The following PTGFRN variants were observed in gnomAD, a reference collection of about 807,000 sequenced individuals.
PTGFRN encodes the protein prostaglandin F2 receptor inhibitor.
Under a neutral mutation model 83.2 loss-of-function variants are expected in PTGFRN, and 35 were observed. The ratio of observed to expected loss-of-function variants is 0.42; its 90% CI spans 0.32 to 0.56. The LOEUF (loss-of-function observed/expected upper bound fraction) is 0.56. Among genes scored for constraint, PTGFRN ranks in the 20% least tolerant of loss-of-function variants. The pLI, the probability that PTGFRN is intolerant of heterozygous loss-of-function variation, is 0.11. For synonymous variants in PTGFRN, 519 were observed against 498.6 expected (o/e 1.04, Z -0.55); for missense variants, 1,051 against 1,179.5 (o/e 0.89, Z 1.60).
At chr1:116,978,849 C>T (rs1332026600) in intron 7 of PTGFRN, among the ~76,000 whole-genome samples, 1 of 151,972 alleles carries the variant, frequency 6.6e-6, no homozygotes, top group East Asian at 1.9e-4. Context: ...TCCTATTCAA[C>T]ATATTGTTGG....
rs1650569929 is a variant in PTGFRN at position 116,958,881 on chromosome 1, G to C, written c.1214-2362G>C. Reference sequence around the variant, plus strand: ...CACACAGTCTCATGCCACACAGGAAGGGTCTTATGTGTTGTGCTTGAAATG... The same window carrying C: ...CACACAGTCTCATGCCACACAGGAACGGTCTTATGTGTTGTGCTTGAAATG... On this transcript the variant is annotated intron_variant, in intron 4 of 8. Coordinates refer to ENST00000393203, the MANE Select transcript of PTGFRN (RefSeq NM_020440.4). The surrounding 1 kb of genome is among the most constrained non-coding windows in gnomAD (Gnocchi z 4.9). Among the ~76,000 whole-genome samples, 2 of 152,182 alleles carry C rather than the reference G, an allele frequency of 1.3e-5. No individual in the cohort carries two copies. The highest frequency in any genetic ancestry group is 4.1e-4 in the South Asian group (2 of 4,824).
At chr1:116,930,837 A>T (rs952889019) in intron 1 of PTGFRN, among the ~76,000 whole-genome samples, 1 of 151,898 alleles carries the variant, frequency 6.6e-6, no homozygotes, top group Non-Finnish European at 1.5e-5. Context: ...TGGCCCCTTT[A>T]GGTCTTTGCT....
intron 1 of PTGFRN, among the ~76,000 whole-genome samples, chr1:116,926,855 A>G (rs979375839): frequency 6.6e-6 from 1 of 152,180 alleles, no homozygotes; most frequent in African/African-American, 2.4e-5. Flanking sequence ...AAGGAGTTGG[A>G]GAAGTGAAGG....
chr1:116,961,191 G>T lies in PTGFRN; in HGVS notation c.1214-52G>T. 6.8e-7 allele frequency: 1 copy of T among 1,471,692 alleles called. No homozygotes were observed. Among genetic ancestry groups the T allele is most frequent in the Non-Finnish European group, 9.0e-7 (1 of 1,105,396 alleles). 91.2% of individuals were successfully genotyped at this position (1,471,692 alleles called of 1,614,324 possible). On this transcript the variant is annotated intron_variant, in intron 4 of 8. Transcript: ENST00000393203. This position sits in a 1 kb window ranked among gnomAD's most constrained non-coding sequence, Gnocchi z 5.4. ...TGTCTCATTCCTTTTGTTAATTCTTGCCATGTTACTCTAATTATTTTCCTA... is the reference window on the plus strand; with the variant it reads ...TGTCTCATTCCTTTTGTTAATTCTTTCCATGTTACTCTAATTATTTTCCTA...
chr1:116,928,320 T>C (rs925521818), intron 1 of PTGFRN, among the ~76,000 whole-genome samples: 5 of 152,226 alleles, frequency 3.3e-5, no homozygotes, highest in African/African-American at 1.2e-4. Context: ...GATTCCCTCC[T>C]ATCTGTTGAA....
chr1:116,954,185 G>A (rs1191501483), intron 4 of PTGFRN, among the ~76,000 whole-genome samples: 1 of 152,056 alleles, frequency 6.6e-6, no homozygotes, highest in Non-Finnish European at 1.5e-5. Context: ...TGGGTGCAGG[G>A]CATAGATGTT....
chr1:116,964,984 T>C (rs1220537644), intron 5 of PTGFRN, among the ~76,000 whole-genome samples: 1 of 152,172 alleles, frequency 6.6e-6, no homozygotes, highest in African/African-American at 2.4e-5. Flanking sequence ...GTCCTGAAAC[T>C]CCTTCACTCT....
chr1:116,979,207 A>G lies in PTGFRN; in HGVS notation c.2167+4884A>G, dbSNP rs188744293. Among the ~76,000 whole-genome samples the G allele has an allele frequency of 2.0e-5, 3 of 152,340 alleles. No homozygotes were observed. The East Asian group carries it at 5.8e-4, about 29-fold the overall frequency. ...CAAGGAGAACTGCAAACCACTGCTC[A>G]ACAAAATAAAACAGGACAGAAACAA... On this transcript the variant is annotated intron_variant, in intron 7 of 8. Coordinates refer to ENST00000393203, the MANE Select transcript of PTGFRN (RefSeq NM_020440.4).
At chr1:116,942,883 C>A (rs1278717880) in intron 2 of PTGFRN, among the ~76,000 whole-genome samples, 2 of 152,202 alleles carry the variant, frequency 1.3e-5, no homozygotes, top group Non-Finnish European at 2.9e-5. Flanking sequence ...CTAATTTATA[C>A]ATGAGGAAAT....
At chr1:116,968,527 T>G (rs1475661681) in intron 6 of PTGFRN, among the ~76,000 whole-genome samples, 1 of 152,158 alleles carries the variant, frequency 6.6e-6, no homozygotes, top group African/African-American at 2.4e-5. Context: ...TATCTGTTTG[T>G]TTTTAATAGC....
chr1:116,937,423 G>A (rs889638630), intron 1 of PTGFRN, among the ~76,000 whole-genome samples: 1 of 152,246 alleles, frequency 6.6e-6, no homozygotes, highest in African/African-American at 2.4e-5. Context: ...AAGGGACACT[G>A]CAGTAATGCA....
At chr1:116,924,921 A>G (rs916710939) in intron 1 of PTGFRN, among the ~76,000 whole-genome samples, 17 of 152,164 alleles carry the variant, frequency 1.1e-4, no homozygotes, top group Admixed American at 7.2e-4. Context: ...GGAGGCTGAC[A>G]GGCAGTTGGC....
chr1:116,916,856 G>A (rs563971876), intron 1 of PTGFRN, among the ~76,000 whole-genome samples: 1 of 152,164 alleles, frequency 6.6e-6, no homozygotes, highest in Non-Finnish European at 1.5e-5. Flanking sequence ...GAGCAGAGCA[G>A]ACTCAGATCT....
intron 1 of PTGFRN, among the ~76,000 whole-genome samples, chr1:116,926,366 A>C (rs904021660): frequency 6.6e-6 from 1 of 152,200 alleles, no homozygotes; most frequent in Non-Finnish European, 1.5e-5. Context: ...CTGAGCAGGG[A>C]GGGATGCTGA....
chr1:116,913,943 T>C (rs956693475), intron 1 of PTGFRN, among the ~76,000 whole-genome samples: 2 of 152,266 alleles, frequency 1.3e-5, no homozygotes, highest in Non-Finnish European at 2.9e-5. Flanking sequence ...GATACTTTTT[T>C]AAGTGTCAAA....
chr1:116,931,786 T>C (rs1388963564), intron 1 of PTGFRN, among the ~76,000 whole-genome samples: 2 of 152,190 alleles, frequency 1.3e-5, no homozygotes, highest in East Asian at 3.8e-4. Context: ...AGTTTGACTT[T>C]CTGTGCATTC....
chr1:116,968,049 A>G (rs529359779), intron 6 of PTGFRN, among the ~76,000 whole-genome samples: 52 of 152,350 alleles, frequency 3.4e-4, no homozygotes, highest in African/African-American at 1.1e-3. Context: ...TGACTTGCCA[A>G]AGTGGAAGAT....
chr1:116,968,417 T>C (rs1316814495), intron 6 of PTGFRN, among the ~76,000 whole-genome samples: 1 of 152,072 alleles, frequency 6.6e-6, no homozygotes, highest in Non-Finnish European at 1.5e-5. Context: ...ATATATACCA[T>C]AGTGAAATAA....
chr1:116,931,848 C>G (rs200491702), intron 1 of PTGFRN, among the ~76,000 whole-genome samples: 1 of 152,094 alleles, frequency 6.6e-6, no homozygotes, highest in Non-Finnish European at 1.5e-5. Context: ...CCATAGGCCC[C>G]GAGTCTCTCC....
Sources: allele counts gnomAD v4.1 joint callset (sites outside exome capture counted in the v4.1 genomes callset), GRCh38; gene constraint gnomAD v4.1.1; non-coding constraint Gnocchi (gnomAD v3.1); transcripts MANE v1.5; gene names NCBI Gene and HGNC (gene_info 2026-07-23, HGNC 2026-07-21).